Variants in AKAP13 observed in about 807,000 individuals in gnomAD.
AKAP13 encodes the protein A-kinase anchor protein 13.
In AKAP13, 80 loss-of-function variants were observed where a neutral mutation model predicts 264.5. That is an observed-to-expected ratio of 0.30 (90% CI 0.25 to 0.36). The LOEUF is 0.36. AKAP13 is among the 10% of genes least tolerant of loss of function. The pLI is 1.00. For missense variants in AKAP13, 3,712 were observed against 3,435.2 expected (o/e 1.08, Z -2.01); for synonymous variants, 1,380 against 1,250.2 (o/e 1.10, Z -2.19).
chr15:85,640,756 A>G (rs1480064107), intron 9 of AKAP13, among the ~76,000 whole-genome samples: 1 of 152,196 alleles, frequency 6.6e-6, no homozygotes, highest in African/African-American at 2.4e-5. Context: ...AAACCACCCA[A>G]GAGTGAGACT....
At chr15:85,629,862 C>G (rs1416332169) in intron 8 of AKAP13, among the ~76,000 whole-genome samples, 3 of 139,414 alleles carry the variant, frequency 2.2e-5, no homozygotes, top group African/African-American at 7.8e-5. Context: ...TCACTGAAAC[C>G]TCCACCTCCC....
chr15:85,501,665 T>C (rs971983392), intron 2 of AKAP13, among the ~76,000 whole-genome samples: 1 of 152,226 alleles, frequency 6.6e-6, no homozygotes, highest in African/African-American at 2.4e-5. Flanking sequence ...CTATTTTTTT[T>C]CTACATTTTA....
intron 1 of AKAP13, among the ~76,000 whole-genome samples, chr15:85,450,313 T>TAG (rs2074039337): frequency 6.6e-6 from 1 of 151,718 alleles, no homozygotes; most frequent in Non-Finnish European, 1.5e-5. Context: ...TCTCTTTTCT[T>TAG]CTTAATTAGT....
rs72092593 is a variant in AKAP13 at position 85,548,902 on chromosome 15, C to CTTTTTT, written c.662+4960_662+4965dup. Reference sequence around the variant, plus strand: ...ACTTAACCTCTCCAAACCTCAGTGCCTTTTTTTTTTTTTTTTTTGGTCTCA... The same window carrying CTTTTTT: ...ACTTAACCTCTCCAAACCTCAGTGCCTTTTTTTTTTTTTTTTTTTTTTTTGGTCTCA... On this transcript the variant is annotated intron_variant, in intron 5 of 36. Coordinates refer to ENST00000394518, the MANE Select transcript of AKAP13 (RefSeq NM_007200.5). 7.3e-5 allele frequency among the ~76,000 whole-genome samples: 9 copies of CTTTTTT among 123,338 alleles called. 2 individuals carry two copies. The highest frequency in any genetic ancestry group is 8.8e-5 in the African/African-American group (3 of 34,066). The allele number at this position is 123,338 out of a possible 152,430, so 80.9% of individuals were successfully genotyped here.
chr15:85,601,952 T>G (rs2080101439), intron 8 of AKAP13, among the ~76,000 whole-genome samples: 1 of 152,148 alleles, frequency 6.6e-6, no homozygotes, highest in Admixed American at 6.6e-5. Context: ...ATTTCTGACT[T>G]AATATAAAAT....
chr15:85,540,424 G>A (rs528605690), intron 4 of AKAP13, among the ~76,000 whole-genome samples: 1 of 152,244 alleles, frequency 6.6e-6, no homozygotes, highest in Non-Finnish European at 1.5e-5. Flanking sequence ...TTATTATGAC[G>A]ACAAGGATGG....
Position 85,580,156 on chromosome 15 carries a change from G to A in AKAP13, c.2088G>A (p.Arg696=). The A allele has an allele frequency of 1.2e-6, 2 of 1,614,176 alleles. No homozygotes were observed. The highest frequency in any genetic ancestry group is 1.1e-5 in the South Asian group (1 of 91,086). Residue 696 remains arginine, a synonymous_variant, in exon 7 of 37, where the codon AGG becomes AGA. Transcript: ENST00000394518. ...GCGAGTCCGAAAGCACCACAGCAAG[G>A]CAACCCAGCTCACAAGATCCACCCG... ...IVSESESTTA[R]QPSSQDPPDA... is the part of the protein sequence containing the mutation.
chr15:85,408,071 C>G (rs552552832), intron 1 of AKAP13, among the ~76,000 whole-genome samples: 9 of 151,776 alleles, frequency 5.9e-5, no homozygotes, highest in Non-Finnish European at 1.2e-4. Flanking sequence ...GCACAGGCTG[C>G]TGGGTGAATG....
chr15:85,414,070 C>G (rs2072116127), intron 1 of AKAP13, among the ~76,000 whole-genome samples: 2 of 152,088 alleles, frequency 1.3e-5, no homozygotes. Context: ...AAAGGTGTAA[C>G]TCTTTTTAAG....
intron 1 of AKAP13, among the ~76,000 whole-genome samples, chr15:85,433,946 A>G (rs2073141866): frequency 6.8e-6 from 1 of 146,772 alleles, no homozygotes; most frequent in Non-Finnish European, 1.5e-5. Context: ...GTCTCAAAAA[A>G]TAAAAAAATA....
chr15:85,544,007 C>G, intron 5 of AKAP13, 52 bp downstream of exon 5: 1 of 1,597,780 alleles, frequency 6.3e-7, no homozygotes, highest in Non-Finnish European at 8.6e-7. Flanking sequence ...GCCCCACCCC[C>G]GATTCATAGG....
intron 1 of AKAP13, among the ~76,000 whole-genome samples, chr15:85,394,185 A>G (rs929987798): frequency 6.6e-6 from 1 of 152,254 alleles, no homozygotes; most frequent in African/African-American, 2.4e-5. Context: ...GAGAAGGAGT[A>G]AGCAAGCCCT....
chr15:85,393,237 A>G (rs1596024803), intron 1 of AKAP13, among the ~76,000 whole-genome samples: 1 of 152,362 alleles, frequency 6.6e-6, no homozygotes, highest in South Asian at 2.1e-4. Flanking sequence ...GATGCTTTGT[A>G]CACAGAGCGG....
intron 8 of AKAP13, chr15:85,624,505 A>G (rs2081325018): frequency 6.6e-6 from 1 of 152,114 alleles, no homozygotes; most frequent in Non-Finnish European, 1.5e-5. Flanking sequence ...AACAAAAGAC[A>G]TAAGGAGGCT....
intron 3 of AKAP13, among the ~76,000 whole-genome samples, chr15:85,528,578 G>A (rs893389752): frequency 6.6e-6 from 1 of 152,202 alleles, no homozygotes; most frequent in African/African-American, 2.4e-5. Context: ...AAGGAAAACA[G>A]GCTTCAAGGT....
intron 4 of AKAP13, among the ~76,000 whole-genome samples, chr15:85,539,021 C>CG (rs1362827618): frequency 6.6e-6 from 1 of 150,868 alleles, no homozygotes; most frequent in Non-Finnish European, 1.5e-5. Context: ...TTGGTAGAGA[C>CG]GGGGTTTCAC....
chr15:85,520,720 G>A (rs755538433), intron 2 of AKAP13: 3 of 518,734 alleles, frequency 5.8e-6, no homozygotes, highest in African/African-American at 1.9e-5. Context: ...ATTATAGACC[G>A]AGAGTTGAAC....
intron 1 of AKAP13, among the ~76,000 whole-genome samples, chr15:85,432,965 C>T (rs183655247): frequency 6.6e-6 from 1 of 152,012 alleles, no homozygotes; most frequent in African/African-American, 2.4e-5. Flanking sequence ...AAAAAATATA[C>T]ACCCCATTAC....
intron 6 of AKAP13, 129 bp downstream of exon 6, chr15:85,575,458 C>T (rs1328602370): frequency 1.1e-5 from 10 of 892,698 alleles, no homozygotes; most frequent in Non-Finnish European, 1.6e-5. Flanking sequence ...TGGTGGGAGG[C>T]TGAGACGGGC....
Sources: gnomAD v4.1 joint callset for allele counts (sites outside exome capture counted in the v4.1 genomes callset) on GRCh38, gnomAD v4.1.1 for gene constraint, MANE v1.5 for transcripts, NCBI Gene and HGNC (gene_info 2026-07-23, HGNC 2026-07-21) for gene names.